UGT2B4: variants seen among roughly 807,000 people sequenced by gnomAD.
UGT2B4 encodes the protein UDP glucuronosyltransferase family 2 member B4, also known as UDP-glucuronosyltransferase 2B4.
A neutral mutation model predicts 49.8 loss-of-function variants in UGT2B4; 49 were observed. That is an observed-to-expected ratio of 0.98 (90% confidence interval 0.78 to 1.25). UGT2B4 has a LOEUF of 1.25. UGT2B4 is among the 50% of genes most tolerant of loss of function. UGT2B4 has a pLI of 0.00. For missense variants in UGT2B4, 729 were observed against 627.7 expected (o/e 1.16, Z -1.73); for synonymous variants, 246 against 217.7 (o/e 1.13, Z -1.14).
chr4:69,489,334 C>A, intron 3 of UGT2B4, 105 bp downstream of exon 3: 1 of 1,461,226 alleles, frequency 6.8e-7, no homozygotes, highest in East Asian at 2.4e-5. Flanking sequence ...TAGTGCTTTC[C>A]CAACAGCTGA....
intron 1 of UGT2B4, among the ~76,000 whole-genome samples, chr4:69,503,316 C>G (rs1728391019): frequency 1.3e-5 from 2 of 152,130 alleles, no homozygotes; most frequent in South Asian, 4.1e-4. Flanking sequence ...GTGGACTGTG[C>G]CTGACTGGAG....
chr4:69,488,903 G>C (rs1464860851), intron 3 of UGT2B4, among the ~76,000 whole-genome samples: 2 of 151,922 alleles, frequency 1.3e-5, no homozygotes, highest in Admixed American at 1.3e-4. Context: ...TCCTTTCTCT[G>C]AATAGTACCC....
At chr4:69,504,425 A>C (rs1728420574) in intron 1 of UGT2B4, among the ~76,000 whole-genome samples, 1 of 152,220 alleles carries the variant, frequency 6.6e-6, no homozygotes. Context: ...TAGAGCTGGA[A>C]ATTATACCAC....
At chr4:69,506,725 A>T (rs948792367) in intron 1 of UGT2B4, among the ~76,000 whole-genome samples, 12 of 152,212 alleles carry the variant, frequency 7.9e-5, no homozygotes, top group African/African-American at 2.9e-4. Flanking sequence ...TCATTTTATG[A>T]GGCCAGCATC....
chr4:69,505,716 T>C (rs1360484980), intron 1 of UGT2B4, among the ~76,000 whole-genome samples: 2 of 152,186 alleles, frequency 1.3e-5, no homozygotes, highest in East Asian at 3.8e-4. Flanking sequence ...CAAATAAACC[T>C]GATAGATATC....
chr4:69,525,104 G>A (rs191095356), intron 1 of UGT2B4, among the ~76,000 whole-genome samples: 1 of 152,224 alleles, frequency 6.6e-6, no homozygotes, highest in East Asian at 1.9e-4. Flanking sequence ...TAATTTACAG[G>A]AAAAATAACC....
At chr4:69,513,441 A>G (rs544285183) in intron 1 of UGT2B4, among the ~76,000 whole-genome samples, 1 of 152,154 alleles carries the variant, frequency 6.6e-6, no homozygotes, top group South Asian at 2.1e-4. Flanking sequence ...CCATTGCTCT[A>G]TGTGTCTGCT....
At chr4:69,521,326 C>G (rs1260439504) in intron 1 of UGT2B4, among the ~76,000 whole-genome samples, 1 of 152,150 alleles carries the variant, frequency 6.6e-6, no homozygotes, top group African/African-American at 2.4e-5. Context: ...GAGCCCAGAC[C>G]TAAGGTCTCC....
chr4:69,498,133 C>T (rs1050698567), upstream of UGT2B4, among the ~76,000 whole-genome samples: 6 of 152,190 alleles, frequency 3.9e-5, no homozygotes, highest in African/African-American at 1.4e-4. Context: ...TAGACTGCAG[C>T]ATTGTGTAAA....
intron 1 of UGT2B4, among the ~76,000 whole-genome samples, chr4:69,515,809 A>G (rs1728717032): frequency 6.6e-6 from 1 of 152,140 alleles, no homozygotes; most frequent in African/African-American, 2.4e-5. Context: ...AAAATTAAAA[A>G]CCAACGAACC....
chr4:69,489,604 G>A, intron 2 of UGT2B4, 34 bp from the exon 3 acceptor site: 1 of 1,587,032 alleles, frequency 6.3e-7, no homozygotes, highest in Non-Finnish European at 8.6e-7. Flanking sequence ...TATCATAATA[G>A]ATTATCAGCA....
upstream of UGT2B4, among the ~76,000 whole-genome samples, chr4:69,497,967 ATGAG>A (rs1184392242): frequency 1.3e-5 from 2 of 152,012 alleles, no homozygotes; most frequent in African/African-American, 4.8e-5. Flanking sequence ...CACTACTCTG[ATGAG>A]TTAGTAGCCA....
chr4:69,490,732 C>T (rs1470311213), intron 2 of UGT2B4, among the ~76,000 whole-genome samples: 1 of 152,094 alleles, frequency 6.6e-6, no homozygotes, highest in Non-Finnish European at 1.5e-5. Context: ...AATCTTAAGA[C>T]ATCAGTGTTA....
intron 1 of UGT2B4, among the ~76,000 whole-genome samples, chr4:69,508,153 T>C (rs1728521698): frequency 6.6e-6 from 1 of 151,884 alleles, no homozygotes; most frequent in South Asian, 2.1e-4. Flanking sequence ...AGATACCAAC[T>C]CACACCAGTT....
At chr4:69,491,943 C>A (rs1243434537) in intron 2 of UGT2B4, among the ~76,000 whole-genome samples, 2 of 151,966 alleles carry the variant, frequency 1.3e-5, no homozygotes, top group African/African-American at 4.8e-5. Context: ...AGGAGGTAGG[C>A]AAAAATTATC....
rs530246491 is a variant in UGT2B4, at chr4:69,511,179, G to A, written c.-106+14508C>T. On this transcript the variant is annotated intron_variant, in intron 1 of 1. Transcript: ENST00000510114. ...CTAATTTTTGTGTTTTAGTAGAGAT[G>A]GGATTTCACCAAGTTGACCAGGCTG... is the stretch of plus-strand genomic sequence containing the variant. Among the ~76,000 whole-genome samples, 11 of 151,686 alleles carry A rather than the reference G, an allele frequency of 7.3e-5. No individual in the cohort carries two copies. The East Asian group carries it at 2.1e-3, about 30-fold the overall frequency.
chr4:69,504,404 A>T (rs1419136011), intron 1 of UGT2B4, among the ~76,000 whole-genome samples: 1 of 152,224 alleles, frequency 6.6e-6, no homozygotes, highest in Admixed American at 6.5e-5. Flanking sequence ...AGAAGAATGT[A>T]ACCAATCTGA....
At chr4:69,506,043 A>G (rs1366436926) in intron 1 of UGT2B4, among the ~76,000 whole-genome samples, 2 of 152,194 alleles carry the variant, frequency 1.3e-5, no homozygotes, top group African/African-American at 4.8e-5. Flanking sequence ...CAAAGATACA[A>G]CATGCCAAAA....
intron 1 of UGT2B4, 144 bp downstream of exon 1, chr4:69,494,997 G>A: frequency 1.3e-6 from 1 of 757,820 alleles, no homozygotes; most frequent in Non-Finnish European, 1.9e-6. Context: ...GTGCTTGTGA[G>A]TTTGGTAGAT....
Sources: gnomAD v4.1 joint callset for allele counts (sites outside exome capture counted in the v4.1 genomes callset) on GRCh38, gnomAD v4.1.1 for gene constraint, MANE v1.5 for transcripts, NCBI Gene and HGNC (gene_info 2026-07-23, HGNC 2026-07-21) for gene names.